Variants in ANO3 observed in about 807,000 individuals in gnomAD.
The protein encoded by ANO3 is anoctamin 3.
In ANO3, 99 loss-of-function variants were observed where a neutral mutation model predicts 144.8. The observed-to-expected ratio is 0.68, with a 90% CI of 0.58 to 0.81. ANO3 has a LOEUF of 0.81. Among genes scored for constraint, ANO3 ranks in the 30% least tolerant of loss-of-function variants. The probability of loss-of-function intolerance (pLI) is 0.00; values close to 1 mark genes in which losing one functional copy is unlikely to be tolerated. For missense variants in ANO3, 905 were observed against 1,202.2 expected (o/e 0.75, Z 3.66); for synonymous variants, 414 against 392.6 (o/e 1.05, Z -0.64).
intron 1 of ANO3, among the ~76,000 whole-genome samples, chr11:26,218,837 G>A (rs1254977355): frequency 6.6e-6 from 1 of 152,178 alleles, no homozygotes; most frequent in Non-Finnish European, 1.5e-5. Flanking sequence ...CTTAAAGGAA[G>A]AAAGAGAGAT....
chr11:26,232,285 G>A (rs1047528998), intron 1 of ANO3, among the ~76,000 whole-genome samples: 10 of 152,156 alleles, frequency 6.6e-5, no homozygotes, highest in African/African-American at 2.4e-4. Context: ...GCTGGTGGTA[G>A]GAACAGCAAG....
intron 1 of ANO3, among the ~76,000 whole-genome samples, chr11:26,194,436 A>G (rs1425564054): frequency 9.8e-5 from 7 of 71,158 alleles, no homozygotes; most frequent in Non-Finnish European, 1.5e-4. Context: ...GTGGGTACAT[A>G]GTGGTGTGTG....
At chr11:26,279,109 A>G (rs539267779) in intron 1 of ANO3, among the ~76,000 whole-genome samples, 1 of 152,104 alleles carries the variant, frequency 6.6e-6, no homozygotes, top group South Asian at 2.1e-4. Context: ...TCTGGTGACC[A>G]CTCCAATAAT....
At chr11:26,220,404 G>A (rs958159345) in intron 1 of ANO3, among the ~76,000 whole-genome samples, 1 of 152,152 alleles carries the variant, frequency 6.6e-6, no homozygotes, top group Non-Finnish European at 1.5e-5. Context: ...TCACTCACGA[G>A]GCCTTACTGT....
chr11:26,218,017 T>G (rs11605240), intron 1 of ANO3, among the ~76,000 whole-genome samples: 45,961 of 152,012 alleles, frequency 0.3, 7,694 homozygotes, highest in Non-Finnish European at 0.37. Flanking sequence ...GCTGAATCCT[T>G]CAGGTCTCCA....
intron 1 of ANO3, among the ~76,000 whole-genome samples, chr11:26,339,429 A>G (rs1277334231): frequency 6.6e-6 from 1 of 152,074 alleles, no homozygotes; most frequent in Non-Finnish European, 1.5e-5. Flanking sequence ...GCTGGGAATT[A>G]CAGGCGTGAA....
intron 1 of ANO3, among the ~76,000 whole-genome samples, chr11:26,357,051 G>C (rs1361110466): frequency 6.6e-6 from 1 of 152,162 alleles, no homozygotes; most frequent in Non-Finnish European, 1.5e-5. Flanking sequence ...TTAATTCACA[G>C]GTTTTGGGAG....
chr11:26,270,616 T>A (rs1299645734), intron 1 of ANO3, among the ~76,000 whole-genome samples: 1 of 152,184 alleles, frequency 6.6e-6, no homozygotes, highest in Non-Finnish European at 1.5e-5. Flanking sequence ...AGAAATTAGG[T>A]CTTTTAGAAA....
rs140986872 is a variant in ANO3, at chr11:26,508,083, C to T, written c.433-21C>T. ...ATGCTTGTCTAACCCACACCATTAA[C>T]AATCATTGCTTTATTTGCAGAATGA... On this transcript the variant is annotated intron_variant, in intron 4 of 26. Transcript: ENST00000256737. 1.8e-4 allele frequency: 279 copies of T among 1,568,132 alleles called. 1 individual carries two copies. In the African/African-American group the frequency reaches 3.3e-3, roughly 19 times the overall value.
intron 1 of ANO3, among the ~76,000 whole-genome samples, chr11:26,322,644 A>G (rs1365194706): frequency 2.0e-5 from 3 of 152,148 alleles, no homozygotes; most frequent in Non-Finnish European, 4.4e-5. Context: ...CACAGAAAGA[A>G]TGTGCCATTT....
intron 1 of ANO3, among the ~76,000 whole-genome samples, chr11:26,421,278 G>A (rs1857744743): frequency 6.6e-6 from 1 of 152,022 alleles, no homozygotes; most frequent in Admixed American, 6.6e-5. Context: ...TAATCACTCA[G>A]AAATACTCTT....
chr11:26,250,917 C>G lies in ANO3; in HGVS notation c.155-58728C>G, dbSNP rs115238656. ...GCCTACCTTAAACATGCTCAGAACA[C>G]ATACATGAGCCTATAGTTGGGCTAA... On this transcript the variant is annotated intron_variant, in intron 1 of 27. Coordinates refer to the ANO3 transcript ENST00000672621. Among the ~76,000 whole-genome samples the G allele has an allele frequency of 8.8e-3, 1,340 of 152,262 alleles. 20 individuals carry two copies. The highest frequency in any genetic ancestry group is 0.031 in the African/African-American group (1,285 of 41,550).
chr11:26,455,311 ATATC>A (rs1203430668), intron 3 of ANO3, among the ~76,000 whole-genome samples: 1 of 150,816 alleles, frequency 6.6e-6, no homozygotes, highest in Non-Finnish European at 1.5e-5. Flanking sequence ...ACATGATTGT[ATATC>A]TAGAAAACCC....
chr11:26,201,124 C>G (rs1462775405), intron 1 of ANO3, among the ~76,000 whole-genome samples: 1 of 152,130 alleles, frequency 6.6e-6, no homozygotes, highest in Non-Finnish European at 1.5e-5. Flanking sequence ...CACCAAAAGT[C>G]ACATATATAA....
chr11:26,454,358 G>T (rs1454822102), intron 3 of ANO3, among the ~76,000 whole-genome samples: 5 of 151,620 alleles, frequency 3.3e-5, no homozygotes, highest in East Asian at 3.9e-4. Flanking sequence ...AAAGAGAGAA[G>T]AATCAAATAG....
chr11:26,534,315 C>T, intron 8 of ANO3, 141 bp from the exon 9 acceptor site: 2 of 533,988 alleles, frequency 3.7e-6, no homozygotes, highest in Non-Finnish European at 6.8e-6. Context: ...AATTCTTTTT[C>T]TCTGTCAATT....
chr11:26,344,024 A>G (rs1184388129), intron 1 of ANO3, among the ~76,000 whole-genome samples: 1 of 152,250 alleles, frequency 6.6e-6, no homozygotes, highest in Non-Finnish European at 1.5e-5. Flanking sequence ...TTAAAAAATC[A>G]TAACGTACCT....
chr11:26,248,988 C>A (rs1852863146), intron 1 of ANO3, among the ~76,000 whole-genome samples: 1 of 152,178 alleles, frequency 6.6e-6, no homozygotes, highest in Non-Finnish European at 1.5e-5. Flanking sequence ...CATCCCCTGC[C>A]TCTGTGGAAA....
chr11:26,569,723 C>T (rs1370597719), intron 14 of ANO3, among the ~76,000 whole-genome samples: 2 of 152,052 alleles, frequency 1.3e-5, no homozygotes, highest in Non-Finnish European at 2.9e-5. Flanking sequence ...TAGCCTCTCT[C>T]CATCTCTGGA....
Sources: allele counts gnomAD v4.1 joint callset (sites outside exome capture counted in the v4.1 genomes callset), GRCh38; gene constraint gnomAD v4.1.1; transcripts MANE v1.5; gene names NCBI Gene and HGNC (gene_info 2026-07-23, HGNC 2026-07-21).